LGALS9: variants seen among roughly 807,000 people sequenced by gnomAD.
The protein encoded by LGALS9 is galectin-9.
A neutral mutation model predicts 35.9 loss-of-function variants in LGALS9; 26 were observed. The observed-to-expected ratio is 0.72, with a 90% CI of 0.53 to 1.01. LGALS9 has a LOEUF of 1.01. Among genes scored for constraint, LGALS9 ranks in the 50% least tolerant of loss-of-function variants. LGALS9 has a pLI of 0.00. For missense variants in LGALS9, 347 were observed against 445.8 expected (o/e 0.78, Z 1.99); for synonymous variants, 149 against 172.2 (o/e 0.87, Z 1.06).
At chr17:27,635,676 G>T (rs902670456) in intron 1 of LGALS9, among the ~76,000 whole-genome samples, 1 of 151,950 alleles carries the variant, frequency 6.6e-6, no homozygotes, top group Non-Finnish European at 1.5e-5. Context: ...TGTCCATCAC[G>T]CTCTGCCTTC....
chr17:27,641,172 C>A, intron 3 of LGALS9: 1 of 366,932 alleles, frequency 2.7e-6, no homozygotes, highest in Non-Finnish European at 5.3e-6. Context: ...TTTGTAAGCA[C>A]ATTGCAAATT....
chr17:27,638,014 C>T (rs1421668453), intron 1 of LGALS9, among the ~76,000 whole-genome samples: 53 of 152,124 alleles, frequency 3.5e-4, no homozygotes, highest in Admixed American at 3.3e-3. Context: ...AGCTCCCTGT[C>T]GCGTCCTCTC....
At chr17:27,635,038 A>G (rs2074431198) in intron 1 of LGALS9, among the ~76,000 whole-genome samples, 1 of 152,068 alleles carries the variant, frequency 6.6e-6, no homozygotes, top group African/African-American at 2.4e-5. Context: ...ACCCTAATTT[A>G]TTTCACCTTT....
rs1904592073 is a variant in LGALS9, at chr17:27,642,460, G to A, written c.444+112G>A. ...GCCAATCTCCTACCCAGGTCACTCT[G>A]GGGACAACCTCTGCTTCCCTGTCCC... On this transcript the variant is annotated intron_variant, in intron 4 of 10. Transcript: ENST00000395473. The A allele has an allele frequency of 2.7e-6, 4 of 1,473,222 alleles. No homozygotes were observed. The South Asian group carries it at 5.5e-5, about 20-fold the overall frequency. 91.3% of individuals were successfully genotyped at this position (1,473,222 alleles called of 1,614,324 possible). A position where few individuals can be genotyped will look rare whatever the true frequency, so the allele number is the denominator to read the frequency against.
chr17:27,635,432 G>A (rs2074437707), intron 1 of LGALS9, among the ~76,000 whole-genome samples: 1 of 145,586 alleles, frequency 6.9e-6, no homozygotes, highest in Non-Finnish European at 1.5e-5. Context: ...AACAGAGTGA[G>A]AACCCATCTC....
At chr17:27,642,370 C>G in intron 4 of LGALS9, 22 bp downstream of exon 4, 1 of 1,611,644 alleles carries the variant, frequency 6.2e-7, no homozygotes, top group Non-Finnish European at 8.5e-7. Context: ...CACCTGGCAC[C>G]GGTCCCAGGG....
At chr17:27,642,543 C>T (rs1904599762) in intron 4 of LGALS9, 195 bp downstream of exon 4, 1 of 1,156,108 alleles carries the variant, frequency 8.6e-7, no homozygotes, top group Non-Finnish European at 1.2e-6. Flanking sequence ...GTTACTGTCT[C>T]TGTCCGGAAC....
intron 3 of LGALS9, 54 bp from the exon 4 acceptor site, chr17:27,642,184 G>A: frequency 6.3e-7 from 1 of 1,576,314 alleles, no homozygotes; most frequent in Non-Finnish European, 8.7e-7. Context: ...CTCAGGGGTG[G>A]TCCCCATCCC....
chr17:27,641,620 C>T (rs1904506776), intron 3 of LGALS9, among the ~76,000 whole-genome samples: 4 of 152,136 alleles, frequency 2.6e-5, no homozygotes, highest in African/African-American at 9.7e-5. Flanking sequence ...ACCACCATGG[C>T]ACCCGTTTAC....
At chr17:27,642,181 G>A in intron 3 of LGALS9, 57 bp from the exon 4 acceptor site, 1 of 1,576,926 alleles carries the variant, frequency 6.3e-7, no homozygotes, top group Non-Finnish European at 8.7e-7. Context: ...GAGCTCAGGG[G>A]TGGTCCCCAT....
intron 3 of LGALS9, among the ~76,000 whole-genome samples, chr17:27,641,711 C>T (rs898424637): frequency 3.3e-5 from 5 of 152,120 alleles, no homozygotes; most frequent in South Asian, 2.1e-4. Flanking sequence ...TGGCAGATCA[C>T]GCCTATAATC....
At chr17:27,637,201 A>G (rs1210686225) in intron 1 of LGALS9, among the ~76,000 whole-genome samples, 3 of 152,216 alleles carry the variant, frequency 2.0e-5, no homozygotes, top group Non-Finnish European at 4.4e-5. Context: ...TGGAAGTACC[A>G]GTTTGTGAAT....
At chr17:27,646,333 T>G (rs544716080) in intron 7 of LGALS9, among the ~76,000 whole-genome samples, 14 of 152,018 alleles carry the variant, frequency 9.2e-5, no homozygotes, top group South Asian at 2.1e-4. Flanking sequence ...GCGGAGGGGT[T>G]GAGGGGCAGG....
intron 4 of LGALS9, among the ~76,000 whole-genome samples, chr17:27,643,084 A>C (rs2151295111): frequency 6.6e-6 from 1 of 152,318 alleles, no homozygotes; most frequent in East Asian, 1.9e-4. Flanking sequence ...AAACTAAATA[A>C]GGTCAGGAGA....
intron 3 of LGALS9, 66 bp downstream of exon 3, chr17:27,640,839 T>G: frequency 1.1e-5 from 18 of 1,596,840 alleles, no homozygotes; most frequent in Non-Finnish European, 1.5e-5. Flanking sequence ...TGAATGGCCT[T>G]TAAGTAATCA....
Position 27,649,059 on chromosome 17 carries a change from CCAG to C in LGALS9, c.*79_*81del. On this transcript the variant is annotated 3_prime_UTR_variant, in exon 11 of 11. Transcript: ENST00000395473. ...CTCTCATCATCCCCACTTCCCAGGC[CCAG>C]CCTTTCCAACCCTGCCTGGGATCTG... The C allele has an allele frequency of 6.3e-7, 1 of 1,598,390 alleles. No homozygotes were observed. The highest frequency in any genetic ancestry group is 8.5e-7 in the Non-Finnish European group (1 of 1,169,744).
chr17:27,647,220 T>G, intron 9 of LGALS9, 50 bp from the exon 10 acceptor site: 1 of 1,613,428 alleles, frequency 6.2e-7, no homozygotes, highest in Middle Eastern at 1.8e-4. Flanking sequence ...GGGGAGGAAA[T>G]GGGACTCAGA....
chr17:27,644,769 T>A (rs62055780), intron 5 of LGALS9: 3 of 155,700 alleles, frequency 1.9e-5, no homozygotes, highest in Non-Finnish European at 2.8e-5. Context: ...TGGCCCTGGC[T>A]CTGGGGAGGA....
At chr17:27,642,405 C>T (rs3107066) in intron 4 of LGALS9, 57 bp downstream of exon 4, 6 of 1,610,416 alleles carry the variant, frequency 3.7e-6, no homozygotes, top group Non-Finnish European at 5.1e-6. Context: ...CCCAGCGTAG[C>T]TGTGTCTAAG....
Sources: allele counts gnomAD v4.1 joint callset (sites outside exome capture counted in the v4.1 genomes callset), GRCh38; gene constraint gnomAD v4.1.1; transcripts MANE v1.5; gene names NCBI Gene and HGNC (gene_info 2026-07-23, HGNC 2026-07-21).